Variants in KCNK2 observed in about 807,000 individuals in gnomAD.
KCNK2 encodes potassium two pore domain channel subfamily K member 2.
Under a neutral mutation model 40.5 loss-of-function variants are expected in KCNK2, and 21 were observed. That is an observed-to-expected ratio of 0.52 (90% CI 0.37 to 0.75). The LOEUF (loss-of-function observed/expected upper bound fraction) is 0.75, where lower values mean the gene tolerates loss of function less well. KCNK2 is among the 30% of genes least tolerant of loss of function. The pLI is 0.00. For synonymous variants in KCNK2, 191 were observed against 202.2 expected (o/e 0.94, Z 0.47); for missense variants, 399 against 531.6 (o/e 0.75, Z 2.45).
At chr1:215,193,680 T>G (rs1664754241) in intron 5 of KCNK2, among the ~76,000 whole-genome samples, 1 of 152,212 alleles carries the variant, frequency 6.6e-6, no homozygotes, top group East Asian at 1.9e-4. Context: ...TCTCTGCCAC[T>G]AGATCTTTCT....
intron 1 of KCNK2, among the ~76,000 whole-genome samples, chr1:215,068,373 G>T (rs912340268): frequency 6.6e-6 from 1 of 152,106 alleles, no homozygotes; most frequent in Non-Finnish European, 1.5e-5. Context: ...TGGTACAGAG[G>T]ACATCTATTA....
intron 1 of KCNK2, among the ~76,000 whole-genome samples, chr1:215,006,935 T>C (rs916217650): frequency 2.0e-5 from 3 of 146,976 alleles, no homozygotes; most frequent in African/African-American, 7.6e-5. Flanking sequence ...TGTTTTTCTC[T>C]TGAAATACAG....
At chr1:215,050,382 C>T (rs1391756037) in intron 1 of KCNK2, among the ~76,000 whole-genome samples, 1 of 152,138 alleles carries the variant, frequency 6.6e-6, no homozygotes, top group Non-Finnish European at 1.5e-5. Flanking sequence ...CATGTCATAA[C>T]TATTCATTAG....
At chr1:215,139,244 G>C (rs1272762972) in intron 3 of KCNK2, among the ~76,000 whole-genome samples, 1 of 152,042 alleles carries the variant, frequency 6.6e-6, no homozygotes, top group Non-Finnish European at 1.5e-5. Context: ...TTTATGTATG[G>C]ATATGTGTGT....
intron 3 of KCNK2, among the ~76,000 whole-genome samples, chr1:215,130,563 G>A (rs1661623827): frequency 6.6e-6 from 1 of 152,152 alleles, no homozygotes; most frequent in African/African-American, 2.4e-5. Context: ...GTCTGACTTG[G>A]AAGCTGTCCT....
chr1:215,107,809 A>G (rs900867865), intron 2 of KCNK2, among the ~76,000 whole-genome samples: 1 of 152,102 alleles, frequency 6.6e-6, no homozygotes, highest in African/African-American at 2.4e-5. Flanking sequence ...TCAACAAACC[A>G]CAGATGAAAA....
chr1:215,108,145 A>G (rs1426995745), intron 2 of KCNK2, among the ~76,000 whole-genome samples: 2 of 152,116 alleles, frequency 1.3e-5, no homozygotes, highest in Non-Finnish European at 2.9e-5. Context: ...GCCATGACTG[A>G]TCTGACAGGA....
chr1:215,076,822 C>A (rs989756714), intron 1 of KCNK2, among the ~76,000 whole-genome samples: 1 of 152,116 alleles, frequency 6.6e-6, no homozygotes, highest in Non-Finnish European at 1.5e-5. Context: ...TTGTCATTTT[C>A]TCCTATTTCT....
At chr1:215,206,750 A>C (rs2102679587) in intron 6 of KCNK2, among the ~76,000 whole-genome samples, 1 of 152,216 alleles carries the variant, frequency 6.6e-6, no homozygotes, top group Non-Finnish European at 1.5e-5. Flanking sequence ...CTGCTGCTGA[A>C]GCTCTCTCTG....
At chr1:215,022,712 G>A (rs751997459) in intron 1 of KCNK2, among the ~76,000 whole-genome samples, 5 of 152,050 alleles carry the variant, frequency 3.3e-5, no homozygotes, top group African/African-American at 7.3e-5. Context: ...TTTGGGGAAG[G>A]TACATGGCCC....
intron 4 of KCNK2, among the ~76,000 whole-genome samples, chr1:215,170,006 A>G (rs17024348): frequency 0.048 from 7,374 of 152,178 alleles, 200 homozygotes; most frequent in Middle Eastern, 0.13. Context: ...TTATTATCCC[A>G]TCAAACCTAC....
intron 1 of KCNK2, among the ~76,000 whole-genome samples, chr1:215,050,967 G>A (rs775046201): frequency 2.4e-4 from 37 of 152,144 alleles, no homozygotes; most frequent in Non-Finnish European, 3.4e-4. Flanking sequence ...GCTTGTATGA[G>A]GTGATTTGGG....
chr1:215,054,087 C>T (rs80277150), intron 1 of KCNK2, among the ~76,000 whole-genome samples: 6,915 of 152,250 alleles, frequency 0.045, 483 homozygotes, highest in African/African-American at 0.16. Context: ...GCACAGACAG[C>T]ATAAGATACA....
chr1:215,164,870 A>G (rs1050766155), intron 3 of KCNK2, among the ~76,000 whole-genome samples: 10 of 152,170 alleles, frequency 6.6e-5, no homozygotes, highest in Non-Finnish European at 1.3e-4. Flanking sequence ...AGGTCTGTCT[A>G]CTTCATAGCT....
In KCNK2 at chr1:215,176,060, G is replaced by A. The variant is rs116816854; in HGVS notation, c.823+3877G>A. Among the ~76,000 whole-genome samples, 893 of 152,214 alleles carry A rather than the reference G, an allele frequency of 5.9e-3. 1 individual carries two copies. The highest frequency in any genetic ancestry group is 0.02 in the Middle Eastern group (6 of 294). On this transcript the variant is annotated intron_variant, in intron 5 of 6. Transcript: ENST00000444842. ...CGGTAGTTCTGTTTTAGTTCTTTGAGAAGTCTCCAAACTGATTTCCACAGA... is the reference window on the plus strand; with the variant it reads ...CGGTAGTTCTGTTTTAGTTCTTTGAAAAGTCTCCAAACTGATTTCCACAGA...
Position 215,224,286 on chromosome 1 carries a change from C to T in KCNK2, c.964-10542C>T, listed in dbSNP as rs184695359. Among the ~76,000 whole-genome samples, 738 of 152,194 alleles carry T rather than the reference C, an allele frequency of 4.8e-3. 5 individuals carry two copies. Among genetic ancestry groups the T allele is most frequent in the African/African-American group, 0.017 (690 of 41,538 alleles). On this transcript the variant is annotated intron_variant, in intron 6 of 6. Coordinates refer to ENST00000444842, the MANE Select transcript of KCNK2 (RefSeq NM_001017425.3). Reference sequence around the variant, plus strand: ...CCACTTAGAGGGGAGACAACAATTTCTGCCATGTGGAGAAAACATTTTTAC... The same window carrying T: ...CCACTTAGAGGGGAGACAACAATTTTTGCCATGTGGAGAAAACATTTTTAC...
At chr1:215,195,912 C>A (rs1664844672) in intron 6 of KCNK2, among the ~76,000 whole-genome samples, 1 of 152,042 alleles carries the variant, frequency 6.6e-6, no homozygotes, top group Admixed American at 6.6e-5. Flanking sequence ...CCTATAGTAC[C>A]CATTGCCTTC....
At chr1:215,170,751 T>G (rs1347052233) in intron 4 of KCNK2, among the ~76,000 whole-genome samples, 1 of 152,152 alleles carries the variant, frequency 6.6e-6, no homozygotes, top group African/African-American at 2.4e-5. Context: ...AATTATCTGT[T>G]TATATTAATC....
chr1:215,222,493 C>T (rs1666221542), intron 6 of KCNK2, among the ~76,000 whole-genome samples: 1 of 152,014 alleles, frequency 6.6e-6, no homozygotes, highest in Non-Finnish European at 1.5e-5. Context: ...TAAAATAATG[C>T]TATAAATTTT....
Sources: gnomAD v4.1 joint callset for allele counts (sites outside exome capture counted in the v4.1 genomes callset) on GRCh38, gnomAD v4.1.1 for gene constraint, MANE v1.5 for transcripts, NCBI Gene and HGNC (gene_info 2026-07-23, HGNC 2026-07-21) for gene names.